Variants in PUM3 observed in about 807,000 individuals in gnomAD.
PUM3 encodes the protein pumilio RNA binding family member 3, also known as pumilio homolog 3.
Under a neutral mutation model 84.0 loss-of-function variants are expected in PUM3, and 91 were observed. The ratio of observed to expected loss-of-function variants is 1.08; its 90% confidence interval spans 0.91 to 1.29. The LOEUF (loss-of-function observed/expected upper bound fraction) is 1.29, where lower values mean the gene tolerates loss of function less well. PUM3 is among the 50% of genes most tolerant of loss of function. The pLI, the probability that PUM3 is intolerant of heterozygous loss-of-function variation, is 0.00. For synonymous variants in PUM3, 321 were observed against 266.7 expected, an observed-to-expected ratio of 1.20 and a Z score of -1.98; for missense variants, 1,067 against 767.5, an observed-to-expected ratio of 1.39 and a Z score of -4.61.
At chr9:2,836,086 G>C (rs1875442) in intron 3 of PUM3, among the ~76,000 whole-genome samples, 3,108 of 152,142 alleles carry the variant, frequency 0.02, 120 homozygotes, top group African/African-American at 0.07. Context: ...ATCAAGACTG[G>C]AGCATGAAAA....
intron 12 of PUM3, among the ~76,000 whole-genome samples, chr9:2,820,580 C>T (rs781190490): frequency 8.6e-5 from 13 of 151,908 alleles, no homozygotes; most frequent in Non-Finnish European, 1.3e-4. Flanking sequence ...CACAGAAAAT[C>T]CTGGAAGGCA....
chr9:2,822,224 A>C (rs973818874), intron 12 of PUM3, among the ~76,000 whole-genome samples: 6 of 152,184 alleles, frequency 3.9e-5, no homozygotes, highest in Non-Finnish European at 5.9e-5. Context: ...GTCAGTAAAA[A>C]CACTGATGGT....
chr9:2,814,028 A>G (rs1056654518), intron 13 of PUM3, among the ~76,000 whole-genome samples: 2 of 39,328 alleles, frequency 5.1e-5, no homozygotes, highest in Non-Finnish European at 9.6e-5. Flanking sequence ...AACACATAAA[A>G]GTTTTCAGAG....
In PUM3 at chr9:2,838,486, G is replaced by A; in HGVS notation, c.22C>T (p.Gln8Ter). The change falls in exon 2 of 18, where the codon CAA (glutamine) becomes TAA (stop). Residue 8 changes from glutamine to a stop codon, truncating the protein, a stop_gained. Transcript: ENST00000397885. LOFTEE classifies it high-confidence loss of function. ...GTCTTTGTACTCTTTCCTGTGAATT[G>A]CTTTTTCCCTTTAACTTCCATCGTA... MEVKGKK[Q>*]FTGKSTKTAQ... 6.2e-7 allele frequency: 1 copy of A among 1,613,016 alleles called. No individual in the cohort carries two copies. The highest frequency in any genetic ancestry group is 8.5e-7 in the Non-Finnish European group (1 of 1,179,304).
In PUM3 at chr9:2,806,400, TGTGA is replaced by T. The variant is rs534225673; in HGVS notation, c.1814+1410_1814+1413del. On this transcript the variant is annotated intron_variant, in intron 17 of 17. Transcript: ENST00000397885. ...ATACCTGAAGCTATGAATGCTCCTGTGTGAGTATTATGTGTACCAGATCACGTAT... is the reference window on the plus strand; with the variant it reads ...ATACCTGAAGCTATGAATGCTCCTGTGTATTATGTGTACCAGATCACGTAT... 4.1e-3 allele frequency among the ~76,000 whole-genome samples: 618 copies of T among 152,346 alleles called. 1 individual carries two copies. The highest frequency in any genetic ancestry group is 0.014 in the Middle Eastern group (4 of 294).
intron 5 of PUM3, 130 bp downstream of exon 5, chr9:2,833,227 G>C: frequency 2.1e-6 from 1 of 486,396 alleles, no homozygotes; most frequent in East Asian, 3.4e-5. Flanking sequence ...TGTTATGGAA[G>C]ATATTTAAAA....
intron 3 of PUM3, among the ~76,000 whole-genome samples, chr9:2,836,147 C>T (rs797001785): frequency 6.6e-6 from 1 of 152,148 alleles, no homozygotes; most frequent in South Asian, 2.1e-4. Flanking sequence ...CTTCCTCTCT[C>T]CCTACCTCCT....
intron 9 of PUM3, among the ~76,000 whole-genome samples, chr9:2,827,558 C>T (rs988280016): frequency 1.4e-4 from 21 of 152,164 alleles, no homozygotes; most frequent in Non-Finnish European, 2.4e-4. Context: ...ATCTGTTTCA[C>T]AAAATAATTT....
In PUM3 at chr9:2,804,177, AC is replaced by A; in HGVS notation, c.*153del. 1.5e-6 allele frequency: 1 copy of A among 688,344 alleles called. No individual in the cohort carries two copies. Among genetic ancestry groups the A allele is most frequent in the Non-Finnish European group, 2.2e-6 (1 of 451,466 alleles). 42.6% of individuals were successfully genotyped at this position (688,344 alleles called of 1,614,324 possible). On this transcript the variant is annotated 3_prime_UTR_variant, in exon 18 of 18. Transcript: ENST00000397885. ...TTTTTAAAAAAGACCATTTAAAAAA[AC>A]AATTTATATAAATAGATTCGTATAC... is the stretch of plus-strand genomic sequence containing the variant.
intron 13 of PUM3, among the ~76,000 whole-genome samples, chr9:2,818,575 T>C (rs1563828610): frequency 1.3e-5 from 2 of 152,224 alleles, no homozygotes; most frequent in Non-Finnish European, 2.9e-5. Context: ...AACAACTTTA[T>C]TCATCAGCCA....
At position 2,833,450 on chromosome 9, in the gene PUM3, A is replaced by T. The variant is rs967397852; in HGVS notation, c.441-18T>A. On this transcript the variant is annotated intron_variant, in intron 4 of 17. Transcript: ENST00000397885. ...AGTCTTTTCTACAAATGAGGAGAGG[A>T]AGGAAACACAGTTGAAATAAAGAAG... 55 of 1,364,042 alleles carry T rather than the reference A, an allele frequency of 4.0e-5. No homozygotes were observed. The highest frequency in any genetic ancestry group is 5.7e-5 in the Non-Finnish European group (55 of 963,224). 84.5% of individuals were successfully genotyped at this position (1,364,042 alleles called of 1,614,324 possible).
At chr9:2,813,744 T>C (rs991870345) in intron 13 of PUM3, among the ~76,000 whole-genome samples, 4 of 152,200 alleles carry the variant, frequency 2.6e-5, no homozygotes, top group African/African-American at 9.6e-5. Flanking sequence ...CATGATCCTA[T>C]GGCTGATGAT....
chr9:2,818,507 G>A (rs1479311533), intron 13 of PUM3, among the ~76,000 whole-genome samples: 1 of 152,172 alleles, frequency 6.6e-6, no homozygotes, highest in Non-Finnish European at 1.5e-5. Flanking sequence ...TTTAGTTGTC[G>A]TGAAAATATT....
Position 2,804,294 on chromosome 9 carries a change from G to GA in PUM3, c.*36dup, listed in dbSNP as rs558562059. 34 of 1,601,440 alleles carry GA rather than the reference G, an allele frequency of 2.1e-5. No homozygotes were observed. Among genetic ancestry groups the GA allele is most frequent in the Non-Finnish European group, 2.6e-5 (31 of 1,174,616 alleles). On this transcript the variant is annotated 3_prime_UTR_variant, in exon 18 of 18. Coordinates refer to ENST00000397885, the MANE Select transcript of PUM3 (RefSeq NM_014878.5). ...GCATTGGGAAACAGAACAGAGAACA[G>GA]AAAAAATCATTCCATCTTGCTCTTA... is the stretch of plus-strand genomic sequence containing the variant.
rs1815973479 is a variant in PUM3, at chr9:2,831,307, C to T, written c.554G>A (p.Cys185Tyr). The change falls in exon 6 of 18, where the codon TGT (cysteine) becomes TAT (tyrosine). Residue 185 changes from cysteine to tyrosine, a missense_variant. By Grantham distance (194) the Cys-to-Tyr change is radical. Transcript: ENST00000397885. The stretch of plus-strand genomic sequence containing the variant: ...TTCTTCATTACCATACTGAATGTAA[C>T]ACTGGATCACACGAGTTGAATCGTG... ...FAHDSTRVIQ[C>Y]YIQYGNEEQR... 6.2e-7 allele frequency: 1 copy of T among 1,609,596 alleles called. No homozygotes were observed.
In PUM3 at chr9:2,831,325, G is replaced by A. The variant is rs780856090; in HGVS notation, c.536C>T (p.Ser179Leu). The change falls in exon 6 of 18, where the codon TCA becomes TTA. Residue 179 changes from serine (S) to leucine (L), a missense_variant. Ser to Leu is a moderately radical substitution (Grantham distance 145). Transcript: ENST00000397885. Reference protein sequence around the residue: ...KIKTIAFAHDSTRVIQCYIQY... With the variant: ...KIKTIAFAHDLTRVIQCYIQY... The stretch of plus-strand genomic sequence containing the variant: ...AATGTAACACTGGATCACACGAGTT[G>A]AATCGTGTGCAAATGCAATCTGCAG... 9 of 1,606,198 alleles carry A rather than the reference G, an allele frequency of 5.6e-6. No individual in the cohort carries two copies. The highest frequency in any genetic ancestry group is 6.8e-6 in the Non-Finnish European group (8 of 1,176,650).
rs188619041 is a variant in PUM3 at position 2,807,212 on chromosome 9, A to T, written c.1814+602T>A. On this transcript the variant is annotated intron_variant, in intron 17 of 17. Transcript: ENST00000397885. ...GACAGTGTGAGACTCCATCTCAAAA[A>T]AAAAAAATTATGTTTTGGTCAAAAC... Among the ~76,000 whole-genome samples, 224 of 151,780 alleles carry T rather than the reference A, an allele frequency of 1.5e-3. 1 individual carries two copies. Among genetic ancestry groups the T allele is most frequent in the Middle Eastern group, 3.4e-3 (1 of 290 alleles).
chr9:2,820,123 G>A (rs907167410), intron 12 of PUM3, 25 bp from the exon 13 acceptor site: 77 of 1,514,408 alleles, frequency 5.1e-5, no homozygotes, highest in Non-Finnish European at 6.5e-5. Context: ...AGCCAGCAAA[G>A]GTTAAAAACA....
intron 12 of PUM3, among the ~76,000 whole-genome samples, chr9:2,822,373 A>C (rs1815669047): frequency 6.6e-6 from 1 of 152,096 alleles, no homozygotes; most frequent in Non-Finnish European, 1.5e-5. Flanking sequence ...AAAGGAACAA[A>C]AGAATATAGA....
Sources: allele counts gnomAD v4.1 joint callset (sites outside exome capture counted in the v4.1 genomes callset), GRCh38; gene constraint gnomAD v4.1.1; transcripts MANE v1.5; gene names NCBI Gene and HGNC (gene_info 2026-07-23, HGNC 2026-07-21).